CEP63: variants seen among roughly 807,000 people sequenced by gnomAD.
CEP63 encodes centrosomal protein of 63 kDa.
CEP63 carries 84 observed loss-of-function variants against 89.1 expected under a neutral mutation model. That is an observed-to-expected ratio of 0.94 (90% CI 0.79 to 1.13). CEP63 has a LOEUF of 1.13. CEP63 is among the 50% of genes most tolerant of loss of function. CEP63 has a pLI of 0.00. For missense variants in CEP63, 838 were observed against 813.3 expected, an observed-to-expected ratio of 1.03 and a Z score of -0.37; for synonymous variants, 267 against 272.5, an observed-to-expected ratio of 0.98 and a Z score of 0.20.
intron 3 of CEP63, among the ~76,000 whole-genome samples, chr3:134,529,594 G>A (rs925093082): frequency 6.6e-6 from 1 of 152,068 alleles, no homozygotes; most frequent in Non-Finnish European, 1.5e-5. Context: ...GCCTGCCTTG[G>A]CCTCCCAAAG....
chr3:134,687,879 C>A, the CEP63 span, among the ~76,000 whole-genome samples: 2 of 152,146 alleles, frequency 1.3e-5, no homozygotes, highest in Non-Finnish European at 2.9e-5. Flanking sequence ...AATTCACAAC[C>A]CACAAATAGC....
intron 2 of CEP63, among the ~76,000 whole-genome samples, chr3:134,499,005 T>A (rs1941091503): frequency 6.6e-6 from 1 of 152,232 alleles, no homozygotes; most frequent in Admixed American, 6.5e-5. Context: ...TGTCTTCTTT[T>A]GTTGTGTCCT....
chr3:134,558,567 A>G (rs1956726924), intron 13 of CEP63, among the ~76,000 whole-genome samples: 1 of 152,184 alleles, frequency 6.6e-6, no homozygotes, highest in African/African-American at 2.4e-5. Context: ...TACACTCTGG[A>G]TATCAGTGTA....
the CEP63 span, among the ~76,000 whole-genome samples, chr3:134,701,417 T>TACACACAC: frequency 9.9e-5 from 6 of 60,410 alleles, 1 homozygote; most frequent in African/African-American, 1.9e-4. Flanking sequence ...TACACACATA[T>TACACACAC]ATATACGTAT....
At chr3:134,591,586 T>C (rs953503624), downstream of CEP63, among the ~76,000 whole-genome samples, 33 of 152,160 alleles carry the variant, frequency 2.2e-4, no homozygotes, top group Admixed American at 6.6e-4. Context: ...ACAGGCACAA[T>C]GGCTCATGCC....
downstream of CEP63, among the ~76,000 whole-genome samples, chr3:134,589,521 G>C (rs529715083): frequency 5.3e-5 from 8 of 149,772 alleles, no homozygotes; most frequent in East Asian, 1.6e-3. Flanking sequence ...ATAAAAGGTA[G>C]AATGACAGAG....
At chr3:134,574,762 CCTGG>C (rs1268314868) in intron 11 of CEP63, 2 of 592,486 alleles carry the variant, frequency 3.4e-6, no homozygotes, top group African/African-American at 1.9e-5. Context: ...TGCCACCACA[CCTGG>C]CTAATTTTTT....
intron 3 of CEP63, among the ~76,000 whole-genome samples, chr3:134,530,947 T>C (rs989318768): frequency 6.6e-6 from 1 of 152,198 alleles, no homozygotes; most frequent in Non-Finnish European, 1.5e-5. Flanking sequence ...AAATTCTAGC[T>C]GGTTATTAAA....
the CEP63 span, among the ~76,000 whole-genome samples, chr3:134,697,682 T>C: frequency 2.6e-5 from 4 of 152,334 alleles, no homozygotes; most frequent in East Asian, 7.7e-4. Context: ...GGGCCTCAGC[T>C]TATGGGCGGC....
the CEP63 span, among the ~76,000 whole-genome samples, chr3:134,608,992 G>A: frequency 6.6e-6 from 1 of 152,182 alleles, no homozygotes; most frequent in Non-Finnish European, 1.5e-5. Flanking sequence ...CTCAGTGGAT[G>A]CTTCCAGAAA....
chr3:134,674,926 C>T, the CEP63 span, among the ~76,000 whole-genome samples: 1 of 152,122 alleles, frequency 6.6e-6, no homozygotes, highest in Non-Finnish European at 1.5e-5. Flanking sequence ...AAATGAAAAA[C>T]ATTCTATATT....
chr3:134,631,008 G>A, the CEP63 span, among the ~76,000 whole-genome samples: 2 of 152,230 alleles, frequency 1.3e-5, no homozygotes, highest in African/African-American at 4.8e-5. Flanking sequence ...AGAGAACACA[G>A]TCAGAGAACT....
chr3:134,729,413 G>A, the CEP63 span, among the ~76,000 whole-genome samples: 1 of 151,962 alleles, frequency 6.6e-6, no homozygotes. Flanking sequence ...TTATAATCAC[G>A]AGGATTAAGA....
chr3:134,662,399 T>C, the CEP63 span, among the ~76,000 whole-genome samples: 10 of 152,294 alleles, frequency 6.6e-5, no homozygotes, highest in African/African-American at 2.4e-4. Flanking sequence ...AAGAAATAAA[T>C]TTCTGTTGTC....
intron 11 of CEP63, among the ~76,000 whole-genome samples, chr3:134,551,362 G>A (rs1954782431): frequency 6.6e-6 from 1 of 151,996 alleles, no homozygotes; most frequent in Non-Finnish European, 1.5e-5. Flanking sequence ...TTCTCATTTA[G>A]TGTAAAAAAG....
At chr3:134,506,063 TAAG>T (rs1489313169) in intron 2 of CEP63, among the ~76,000 whole-genome samples, 4 of 152,150 alleles carry the variant, frequency 2.6e-5, no homozygotes, top group Non-Finnish European at 4.4e-5. Flanking sequence ...TTTCTACTCT[TAAG>T]AAGCAAAAGT....
intron 10 of CEP63, among the ~76,000 whole-genome samples, chr3:134,584,956 G>GTTTTTTGTTTTTTTTTTTTTTTTTT (rs1958446799): frequency 2.8e-5 from 1 of 36,038 alleles, no homozygotes. Context: ...ATTTTCTAGG[G>GTTTTTTGTTTTTTTTTTTTTTTTTT]TTTTTTTTTT....
At chr3:134,496,251 C>T (rs1939897393) in intron 2 of CEP63, among the ~76,000 whole-genome samples, 1 of 152,098 alleles carries the variant, frequency 6.6e-6, no homozygotes, top group South Asian at 2.1e-4. Flanking sequence ...AGGCATTTCC[C>T]CCTAGTACTA....
the CEP63 span, among the ~76,000 whole-genome samples, chr3:134,699,681 C>T: frequency 6.6e-6 from 1 of 152,230 alleles, no homozygotes; most frequent in Admixed American, 6.5e-5. Flanking sequence ...CTCCTGTACA[C>T]ATCACAATCA....
Sources: allele counts gnomAD v4.1 joint callset (sites outside exome capture counted in the v4.1 genomes callset), GRCh38; gene constraint gnomAD v4.1.1; transcripts MANE v1.5; gene names NCBI Gene and HGNC (gene_info 2026-07-23, HGNC 2026-07-21).